The following HSF2BP variants were observed in gnomAD, a reference collection of about 807,000 sequenced individuals.
HSF2BP encodes the protein heat shock transcription factor 2 binding protein.
Under a neutral mutation model 35.0 loss-of-function variants are expected in HSF2BP, and 35 were observed. That is an observed-to-expected ratio of 1.00 (90% CI 0.76 to 1.32). HSF2BP has a LOEUF of 1.32. Among genes scored for constraint, HSF2BP ranks in the 40% most tolerant of loss-of-function variants. The pLI is 0.00. For missense variants in HSF2BP, 326 were observed against 321.7 expected (o/e 1.01, Z -0.10); for synonymous variants, 114 against 117.4 (o/e 0.97, Z 0.18).
intron 4 of HSF2BP, among the ~76,000 whole-genome samples, chr21:43,637,158 A>C (rs1016993920): frequency 3.3e-5 from 5 of 152,100 alleles, no homozygotes; most frequent in African/African-American, 1.2e-4. Context: ...AACTGGAAAC[A>C]ATCTAAATGC....
chr21:43,634,751 C>T (rs890679007), intron 4 of HSF2BP, among the ~76,000 whole-genome samples: 2 of 152,202 alleles, frequency 1.3e-5, no homozygotes, highest in Non-Finnish European at 2.9e-5. Flanking sequence ...AATACTGCAT[C>T]ATGTGATCTG....
intron 7 of HSF2BP, among the ~76,000 whole-genome samples, chr21:43,594,715 A>G (rs1197919487): frequency 6.6e-6 from 1 of 151,782 alleles, no homozygotes; most frequent in Non-Finnish European, 1.5e-5. Flanking sequence ...CGGTGGGAGG[A>G]AGGGAAGGAG....
At chr21:43,591,855 T>C (rs1240148094) in intron 8 of HSF2BP, among the ~76,000 whole-genome samples, 2 of 152,230 alleles carry the variant, frequency 1.3e-5, no homozygotes, top group Non-Finnish European at 2.9e-5. Context: ...GTCCAGCATA[T>C]GCTATGCGCC....
chr21:43,608,166 G>A (rs2146889345), intron 7 of HSF2BP, among the ~76,000 whole-genome samples: 1 of 151,994 alleles, frequency 6.6e-6, no homozygotes, highest in African/African-American at 2.4e-5. Flanking sequence ...ACAACCTACA[G>A]AATGGGAGAA....
rs754350985 is a variant in HSF2BP at position 43,657,579 on chromosome 21, G to A, written c.36+482C>T. 3.5e-4 allele frequency among the ~76,000 whole-genome samples: 53 copies of A among 152,214 alleles called. 1 individual carries two copies. The highest frequency in any genetic ancestry group is 8.8e-5 in the Non-Finnish European group (6 of 68,040). ...CGGGAGCTAGATGACTCTCAATGCA[G>A]CACAATTAATAACGGGTGGAAGCAG... is the stretch of plus-strand genomic sequence containing the variant. On this transcript the variant is annotated intron_variant, in intron 2 of 8. Coordinates refer to ENST00000291560, the MANE Select transcript of HSF2BP (RefSeq NM_007031.2).
intron 8 of HSF2BP, among the ~76,000 whole-genome samples, chr21:43,582,113 A>ATGAGGGCCTGCTGTGGGAG (rs2081753075): frequency 5.2e-4 from 8 of 15,428 alleles, no homozygotes; most frequent in Admixed American, 1.3e-3. Flanking sequence ...TGCTGTGGGG[A>ATGAGGGCCTGCTGTGGGAG]ATGAGGCCCT....
At chr21:43,575,245 A>AC (rs2081628250) in intron 8 of HSF2BP, among the ~76,000 whole-genome samples, 1 of 152,260 alleles carries the variant, frequency 6.6e-6, no homozygotes, top group South Asian at 2.1e-4. Context: ...ACGACGCTCC[A>AC]CTGGGCTGCA....
chr21:43,634,991 AG>A (rs1332008371), intron 4 of HSF2BP, among the ~76,000 whole-genome samples: 1 of 152,172 alleles, frequency 6.6e-6, no homozygotes, highest in Non-Finnish European at 1.5e-5. Context: ...GAGAAGAACC[AG>A]GAAGGACTTT....
intron 3 of HSF2BP, among the ~76,000 whole-genome samples, chr21:43,651,347 T>C (rs1261761779): frequency 1.3e-5 from 2 of 152,164 alleles, no homozygotes; most frequent in Non-Finnish European, 2.9e-5. Flanking sequence ...ATACTCTCAC[T>C]GCCGATCATA....
chr21:43,589,823 C>T (rs1185176787), intron 8 of HSF2BP, among the ~76,000 whole-genome samples: 1 of 151,872 alleles, frequency 6.6e-6, no homozygotes, highest in Non-Finnish European at 1.5e-5. Flanking sequence ...AAAAACAAAG[C>T]AAACGATAAA....
In HSF2BP at chr21:43,636,628, G is replaced by A. The variant is rs562896236; in HGVS notation, c.292-3207C>T. Among the ~76,000 whole-genome samples, 55 of 152,136 alleles carry A rather than the reference G, an allele frequency of 3.6e-4. 1 individual carries two copies. The highest frequency in any genetic ancestry group is 2.5e-3 in the South Asian group (12 of 4,818). On this transcript the variant is annotated intron_variant, in intron 4 of 8. Coordinates refer to ENST00000291560, the MANE Select transcript of HSF2BP (RefSeq NM_007031.2). ...AGAAAACATATAAATGTGTCCGGGCGCGATGGTAATCCCAGCACTTTGAGA... is the reference window on the plus strand; with the variant it reads ...AGAAAACATATAAATGTGTCCGGGCACGATGGTAATCCCAGCACTTTGAGA...
chr21:43,582,528 C>G (rs2081769327), intron 8 of HSF2BP, among the ~76,000 whole-genome samples: 2 of 93,272 alleles, frequency 2.1e-5, no homozygotes, highest in Non-Finnish European at 4.2e-5. Context: ...GAAGGGCCTG[C>G]TGAGGGAGAT....
intron 6 of HSF2BP, among the ~76,000 whole-genome samples, chr21:43,623,030 C>T (rs538490265): frequency 6.6e-6 from 1 of 151,542 alleles, no homozygotes; most frequent in African/African-American, 2.4e-5. Context: ...TCTGAAACTC[C>T]TGACCTCAAG....
At chr21:43,574,365 T>TC (rs984320251) in intron 8 of HSF2BP, among the ~76,000 whole-genome samples, 1 of 134,128 alleles carries the variant, frequency 7.5e-6, no homozygotes, top group African/African-American at 3.5e-5. Context: ...TCTTTTTCTC[T>TC]TTTTTTTTTT....
At chr21:43,622,939 C>T (rs1466927125) in intron 6 of HSF2BP, among the ~76,000 whole-genome samples, 1 of 150,816 alleles carries the variant, frequency 6.6e-6, no homozygotes, top group Non-Finnish European at 1.5e-5. Flanking sequence ...CAAGTCTCAA[C>T]AAATTCAAAA....
At chr21:43,467,853 C>G in the HSF2BP span, among the ~76,000 whole-genome samples, 1 of 120,578 alleles carries the variant, frequency 8.3e-6, no homozygotes. Context: ...ACATACACAC[C>G]ACACACCACA....
chr21:43,616,052 A>AAATATAT (rs57115434), intron 6 of HSF2BP, among the ~76,000 whole-genome samples: 12 of 144,008 alleles, frequency 8.3e-5, no homozygotes, highest in African/African-American at 1.3e-4. Context: ...AAAAAAAAAA[A>AAATATAT]ATATATATAT....
intron 6 of HSF2BP, among the ~76,000 whole-genome samples, chr21:43,619,510 G>A (rs1343637714): frequency 6.6e-6 from 1 of 152,104 alleles, no homozygotes. Flanking sequence ...CAGCTCTCAC[G>A]GCAACAGACA....
At chr21:43,505,378 C>T in the HSF2BP span, among the ~76,000 whole-genome samples, 19 of 110,462 alleles carry the variant, frequency 1.7e-4, 2 homozygotes, top group African/African-American at 6.9e-4. Context: ...TCAGTCTTAA[C>T]GCTATGCAGC....
Sources: allele counts gnomAD v4.1 joint callset (sites outside exome capture counted in the v4.1 genomes callset), GRCh38; gene constraint gnomAD v4.1.1; transcripts MANE v1.5; gene names NCBI Gene and HGNC (gene_info 2026-07-23, HGNC 2026-07-21).